The following CNTNAP4 variants were observed in gnomAD, a reference collection of about 807,000 sequenced individuals.
The protein encoded by CNTNAP4 is contactin associated protein family member 4.
CNTNAP4 carries 98 observed loss-of-function variants against 148.4 expected under a neutral mutation model. The ratio of observed to expected loss-of-function variants is 0.66; its 90% confidence interval spans 0.56 to 0.78. The LOEUF (loss-of-function observed/expected upper bound fraction) is 0.78. Among genes scored for constraint, CNTNAP4 ranks in the 30% least tolerant of loss-of-function variants. CNTNAP4 has a pLI of 0.00. For synonymous variants in CNTNAP4, 730 were observed against 565.1 expected (o/e 1.29, Z -4.14); for missense variants, 1,935 against 1,565.6 (o/e 1.24, Z -3.98).
chr16:76,520,422 A>C (rs2083410663), intron 15 of CNTNAP4, among the ~76,000 whole-genome samples: 1 of 152,168 alleles, frequency 6.6e-6, no homozygotes, highest in African/African-American at 2.4e-5. Flanking sequence ...CAGATCTCTT[A>C]ATTTATATCC....
Position 76,467,534 on chromosome 16 carries a change from T to C in CNTNAP4, c.1655+11T>C. ...TGGCATCTCAGACAGGTAAGGGCAATCTCACTTCATTTTGACCTGCTTTCA... is the reference window on the plus strand; with the variant it reads ...TGGCATCTCAGACAGGTAAGGGCAACCTCACTTCATTTTGACCTGCTTTCA... On this transcript the variant is annotated intron_variant, in intron 10 of 23. Transcript: ENST00000611870. 1 of 1,575,816 alleles carries C rather than the reference T, an allele frequency of 6.3e-7. No homozygotes were observed. Among genetic ancestry groups the C allele is most frequent in the Non-Finnish European group, 8.6e-7 (1 of 1,163,222 alleles).
rs142975515 is a variant in CNTNAP4 at position 76,322,908 on chromosome 16, C to T, written c.196+6385C>T. Reference sequence around the variant, plus strand: ...ACAGTGCAGTGGCACAATCCCAGCTCACTGCAACCTCTGCCTTGTGGGTTC... The same window carrying T: ...ACAGTGCAGTGGCACAATCCCAGCTTACTGCAACCTCTGCCTTGTGGGTTC... On this transcript the variant is annotated intron_variant, in intron 2 of 23. Transcript: ENST00000611870. 3.8e-3 allele frequency among the ~76,000 whole-genome samples: 582 copies of T among 151,870 alleles called. 4 individuals carry two copies. The highest frequency in any genetic ancestry group is 0.013 in the African/African-American group (550 of 41,426).
chr16:76,515,054 C>T (rs958154412), intron 15 of CNTNAP4, among the ~76,000 whole-genome samples: 6 of 152,038 alleles, frequency 3.9e-5, no homozygotes, highest in African/African-American at 7.2e-5. Flanking sequence ...GACTTGACAT[C>T]GAAAGCACAA....
At chr16:76,334,732 A>G (rs1367610624) in intron 2 of CNTNAP4, among the ~76,000 whole-genome samples, 1 of 152,160 alleles carries the variant, frequency 6.6e-6, no homozygotes, top group Non-Finnish European at 1.5e-5. Context: ...GACACTGTCA[A>G]AACCCATGTA....
At chr16:76,374,775 T>G (rs146888081) in intron 3 of CNTNAP4, among the ~76,000 whole-genome samples, 1,873 of 149,394 alleles carry the variant, frequency 0.013, 42 homozygotes, top group African/African-American at 0.043. Context: ...ATTATTATTA[T>G]TATTATTATT....
At chr16:76,333,779 G>GTTTTTTTTTTTTTTTTT (rs549878036) in intron 2 of CNTNAP4, among the ~76,000 whole-genome samples, 2 of 45,608 alleles carry the variant, frequency 4.4e-5, no homozygotes, top group Non-Finnish European at 4.3e-5. Flanking sequence ...TGGGTTATAG[G>GTTTTTTTTTTTTTTTTT]TTTTTTTTTT....
intron 15 of CNTNAP4, among the ~76,000 whole-genome samples, chr16:76,510,286 T>C (rs2082959964): frequency 6.6e-6 from 1 of 152,160 alleles, no homozygotes; most frequent in South Asian, 2.1e-4. Context: ...CTTAGCATCA[T>C]ATTGTCAAGG....
intron 3 of CNTNAP4, among the ~76,000 whole-genome samples, chr16:76,395,135 G>A (rs749271613): frequency 2.6e-5 from 4 of 152,176 alleles, no homozygotes; most frequent in Non-Finnish European, 5.9e-5. Flanking sequence ...CCAATTGGGA[G>A]GCACTGCAGC....
chr16:76,317,921 T>C (rs532433706), intron 2 of CNTNAP4, among the ~76,000 whole-genome samples: 2 of 152,342 alleles, frequency 1.3e-5, no homozygotes, highest in Non-Finnish European at 2.9e-5. Flanking sequence ...ACTGAGATCC[T>C]TCTGTCAAAT....
In CNTNAP4 at chr16:76,448,146, G is replaced by A. The variant is rs2080318992; in HGVS notation, c.673G>A (p.Glu225Lys). 6 of 1,613,530 alleles carry A rather than the reference G, an allele frequency of 3.7e-6. No individual in the cohort carries two copies. The South Asian group carries it at 5.5e-5, about 15-fold the overall frequency. The part of the protein sequence containing the change: ...MQSDGILLHR[E>K]GPNGDHITLQ... ...GAGTGATGGGATTCTACTCCACAGG[G>A]AAGGGCCAAATGGAGATCACATCAC... Residue 225 changes from glutamate (E) to lysine (K), a missense_variant, in exon 5 of 24, where the codon GAA becomes AAA. Glu to Lys is a moderately conservative substitution (Grantham distance 56, BLOSUM62 1). Coordinates refer to ENST00000611870, the MANE Select transcript of CNTNAP4 (RefSeq NM_033401.5).
chr16:76,452,679 A>G lies in CNTNAP4; in HGVS notation c.1243A>G (p.Ile415Val). 6.2e-7 allele frequency: 1 copy of G among 1,613,734 alleles called. No homozygotes were observed. The highest frequency in any genetic ancestry group is 1.1e-5 in the South Asian group (1 of 91,026). ...TCTGCTGTTCAGTGAACTTCAGCTG[A>G]TTTCAGGGGGTATCCTCCTCTTTCT... ...GLLLFSELQL[I>V]SGGILLFLSD... Residue 415 changes from isoleucine (I) to valine (V), a missense_variant, in exon 8 of 24, where the codon ATT (isoleucine) becomes GTT (valine). Physicochemically the swap from Ile to Val is conservative, Grantham distance 29. Coordinates refer to ENST00000611870, the MANE Select transcript of CNTNAP4 (RefSeq NM_033401.5).
At chr16:76,309,812 A>G (rs1054404074) in intron 1 of CNTNAP4, 6 of 699,684 alleles carry the variant, frequency 8.6e-6, no homozygotes, top group Admixed American at 8.0e-5. Flanking sequence ...GTGTCATGAG[A>G]TCTGATGGGT....
Position 76,448,162 on chromosome 16 carries a change from A to C in CNTNAP4, c.689A>C (p.Asp230Ala). The C allele has an allele frequency of 6.2e-7, 1 of 1,613,756 alleles. No homozygotes were observed. Among genetic ancestry groups the C allele is most frequent in the Non-Finnish European group, 8.5e-7 (1 of 1,179,696 alleles). The change falls in exon 5 of 24, where the codon GAT (aspartate) becomes GCT (alanine). Residue 230 changes from aspartate to alanine, a missense_variant. Physicochemically the swap from Asp to Ala is moderately radical, Grantham distance 126. Transcript: ENST00000611870. Reference protein sequence around the residue: ...ILLHREGPNGDHITLQLRRAR... With the variant: ...ILLHREGPNGAHITLQLRRAR... ...CTCCACAGGGAAGGGCCAAATGGAG[A>C]TCACATCACACTGCAATTAAGAAGA...
At chr16:76,324,861 A>G (rs72626197) in intron 2 of CNTNAP4, among the ~76,000 whole-genome samples, 28,637 of 152,082 alleles carry the variant, frequency 0.19, 3,583 homozygotes, top group East Asian at 0.51. Context: ...CCTCGTGACA[A>G]TGTAAACCTA....
At chr16:76,395,662 G>A (rs1567989452) in intron 3 of CNTNAP4, among the ~76,000 whole-genome samples, 3 of 151,892 alleles carry the variant, frequency 2.0e-5, no homozygotes. Flanking sequence ...ACACCATTAG[G>A]CAGTTCTATT....
intron 13 of CNTNAP4, among the ~76,000 whole-genome samples, chr16:76,491,066 CTATT>C (rs1465167045): frequency 5.9e-5 from 9 of 152,328 alleles, no homozygotes; most frequent in African/African-American, 2.2e-4. Context: ...AAGTCTCTCT[CTATT>C]TATTCTCCAC....
intron 2 of CNTNAP4, among the ~76,000 whole-genome samples, chr16:76,330,544 C>A (rs1015725906): frequency 2.0e-5 from 3 of 152,146 alleles, no homozygotes; most frequent in Non-Finnish European, 4.4e-5. Flanking sequence ...AGTGGTTGAA[C>A]AGATAATTTG....
chr16:76,369,671 A>G (rs929654031), intron 3 of CNTNAP4, among the ~76,000 whole-genome samples: 5 of 152,326 alleles, frequency 3.3e-5, no homozygotes, highest in Non-Finnish European at 7.3e-5. Flanking sequence ...GTGAAACTCC[A>G]TCTCTACAGA....
chr16:76,352,928 A>G (rs932666176), intron 2 of CNTNAP4, among the ~76,000 whole-genome samples: 1 of 152,200 alleles, frequency 6.6e-6, no homozygotes, highest in Non-Finnish European at 1.5e-5. Context: ...CAGCAGGGCC[A>G]TGCTAAACAA....
Sources: allele counts gnomAD v4.1 joint callset (sites outside exome capture counted in the v4.1 genomes callset), GRCh38; gene constraint gnomAD v4.1.1; transcripts MANE v1.5; gene names NCBI Gene and HGNC (gene_info 2026-07-23, HGNC 2026-07-21).